The following LRRTM3 variants were observed in gnomAD, a reference collection of about 807,000 sequenced individuals.
LRRTM3 encodes the protein leucine-rich repeat transmembrane neuronal protein 3.
Under a neutral mutation model 44.7 loss-of-function variants are expected in LRRTM3, and 24 were observed. That is an observed-to-expected ratio of 0.54 (90% confidence interval 0.39 to 0.76). LRRTM3 has a LOEUF of 0.76. Ranked by LOEUF, LRRTM3 falls within the 30% of genes least tolerant of loss-of-function variation. The probability of loss-of-function intolerance (pLI) is 0.00; values close to 1 mark genes in which losing one functional copy is unlikely to be tolerated. For missense variants in LRRTM3, 587 were observed against 702.2 expected (o/e 0.84, Z 1.85); for synonymous variants, 277 against 278.7 (o/e 0.99, Z 0.06).
intron 2 of LRRTM3, among the ~76,000 whole-genome samples, chr10:67,050,404 A>G (rs1855011773): frequency 6.6e-6 from 1 of 152,220 alleles, no homozygotes; most frequent in Non-Finnish European, 1.5e-5. Flanking sequence ...ATTTGAAAAT[A>G]TAAGTATTAG....
At chr10:67,031,681 T>C (rs1332309867) in intron 2 of LRRTM3, among the ~76,000 whole-genome samples, 2 of 152,158 alleles carry the variant, frequency 1.3e-5, no homozygotes, top group Non-Finnish European at 1.5e-5. Context: ...AATTAACAAA[T>C]TGAAATACGC....
chr10:66,977,002 T>C (rs1257082808), intron 2 of LRRTM3, among the ~76,000 whole-genome samples: 1 of 152,160 alleles, frequency 6.6e-6, no homozygotes, highest in African/African-American at 2.4e-5. Context: ...CAATGTAATT[T>C]TATATCTACA....
intron 2 of LRRTM3, among the ~76,000 whole-genome samples, chr10:66,963,881 T>C (rs992635106): frequency 6.6e-6 from 1 of 151,820 alleles, no homozygotes; most frequent in Non-Finnish European, 1.5e-5. Context: ...TCTTGCTCTG[T>C]TGCCAGGCTG....
chr10:67,092,784 T>C (rs556379054), intron 2 of LRRTM3, among the ~76,000 whole-genome samples: 36 of 152,058 alleles, frequency 2.4e-4, no homozygotes, highest in African/African-American at 8.7e-4. Flanking sequence ...TACGAGACAG[T>C]GATATGAGAC....
At chr10:66,932,735 C>G (rs1027251092) in intron 2 of LRRTM3, among the ~76,000 whole-genome samples, 1 of 152,146 alleles carries the variant, frequency 6.6e-6, no homozygotes, top group Non-Finnish European at 1.5e-5. Context: ...AAAGTCACTG[C>G]TTTCCTAATC....
At chr10:67,055,800 G>C (rs1054246765) in intron 2 of LRRTM3, among the ~76,000 whole-genome samples, 2 of 151,980 alleles carry the variant, frequency 1.3e-5, no homozygotes, top group Non-Finnish European at 2.9e-5. Flanking sequence ...GGATATCAGG[G>C]GTGTCTTAAA....
chr10:66,987,547 C>T (rs1224882924), intron 2 of LRRTM3, among the ~76,000 whole-genome samples: 1 of 152,124 alleles, frequency 6.6e-6, no homozygotes, highest in Non-Finnish European at 1.5e-5. Flanking sequence ...AGAGGCTCAT[C>T]CAGTTGTTAT....
At chr10:66,937,575 A>C (rs559569327) in intron 2 of LRRTM3, among the ~76,000 whole-genome samples, 1 of 152,270 alleles carries the variant, frequency 6.6e-6, no homozygotes, top group Non-Finnish European at 1.5e-5. Flanking sequence ...CTAAATTTCC[A>C]TAAGCTCAAG....
intron 2 of LRRTM3, among the ~76,000 whole-genome samples, chr10:67,090,941 C>T (rs576434801): frequency 3.9e-4 from 59 of 152,076 alleles, no homozygotes; most frequent in Non-Finnish European, 5.3e-4. Context: ...TTATCAACTG[C>T]CTTAACACTT....
At chr10:67,040,328 T>C (rs1010298800) in intron 2 of LRRTM3, among the ~76,000 whole-genome samples, 3 of 152,078 alleles carry the variant, frequency 2.0e-5, no homozygotes, top group Non-Finnish European at 4.4e-5. Context: ...GCATGAAATT[T>C]TGTGATGGAG....
intron 2 of LRRTM3, among the ~76,000 whole-genome samples, chr10:66,953,054 G>A (rs1848621045): frequency 6.6e-6 from 1 of 152,064 alleles, no homozygotes. Flanking sequence ...AGCCTACTGA[G>A]AAACAACTCT....
intron 2 of LRRTM3, chr10:67,054,528 T>G (rs1410365814): frequency 2.0e-5 from 3 of 152,146 alleles, no homozygotes; most frequent in African/African-American, 7.2e-5. Flanking sequence ...CTTTTTAAAG[T>G]AAATGCTTGG....
intron 2 of LRRTM3, among the ~76,000 whole-genome samples, chr10:67,024,545 T>C (rs1853233410): frequency 6.6e-6 from 1 of 152,218 alleles, no homozygotes; most frequent in African/African-American, 2.4e-5. Flanking sequence ...ACCACGTTAA[T>C]ATATGCTTCA....
chr10:67,047,732 C>A (rs10822966), intron 2 of LRRTM3, among the ~76,000 whole-genome samples: 18,327 of 152,064 alleles, frequency 0.12, 1,317 homozygotes, highest in African/African-American at 0.21. Context: ...AAAGCTATTA[C>A]ATTAAATTAA....
chr10:66,997,003 A>G (rs1851392009), intron 2 of LRRTM3, among the ~76,000 whole-genome samples: 2 of 152,162 alleles, frequency 1.3e-5, no homozygotes, highest in Admixed American at 1.3e-4. Context: ...AGAATAAGAC[A>G]GACATTTAGC....
chr10:66,978,552 A>AAAAAAAAAAAAAAAAAT, intron 2 of LRRTM3, among the ~76,000 whole-genome samples: 1 of 37,866 alleles, frequency 2.6e-5, no homozygotes, highest in Admixed American at 4.9e-4. Context: ...AAAAAAAAAA[A>AAAAAAAAAAAAAAAAAT]ATATATATAT....
intron 2 of LRRTM3, among the ~76,000 whole-genome samples, chr10:67,032,962 T>C (rs563605303): frequency 6.6e-6 from 1 of 152,174 alleles, no homozygotes; most frequent in Non-Finnish European, 1.5e-5. Context: ...AATGGCTGGC[T>C]TTTGAAATTC....
intron 2 of LRRTM3, among the ~76,000 whole-genome samples, chr10:66,983,733 A>T (rs1850575664): frequency 6.6e-6 from 1 of 152,228 alleles, no homozygotes; most frequent in Admixed American, 6.5e-5. Flanking sequence ...AAATTATCCC[A>T]TGATACAGTT....
intron 2 of LRRTM3, among the ~76,000 whole-genome samples, chr10:67,003,990 G>A (rs531977201): frequency 7.2e-5 from 11 of 152,142 alleles, no homozygotes; most frequent in Non-Finnish European, 1.2e-4. Context: ...CTTATATTCT[G>A]AAGCAACAAT....
Sources: allele counts gnomAD v4.1 joint callset (sites outside exome capture counted in the v4.1 genomes callset), GRCh38; gene constraint gnomAD v4.1.1; transcripts MANE v1.5; gene names NCBI Gene and HGNC (gene_info 2026-07-23, HGNC 2026-07-21).